The following NOL4 variants were observed in gnomAD, a reference collection of about 807,000 sequenced individuals.
The protein encoded by NOL4 is nucleolar protein 4, also known as cancer/testis antigen 125.
Under a neutral mutation model 75.9 loss-of-function variants are expected in NOL4, and 17 were observed. That is an observed-to-expected ratio of 0.22 (90% confidence interval 0.15 to 0.34). NOL4 has a LOEUF of 0.34. Among genes scored for constraint, NOL4 ranks in the 10% least tolerant of loss-of-function variants. The pLI is 1.00. For synonymous variants in NOL4, 292 were observed against 289.9 expected (o/e 1.01, Z -0.07); for missense variants, 614 against 793.5 (o/e 0.77, Z 2.72).
At chr18:33,877,673 T>A (rs1394110528) in intron 10 of NOL4, among the ~76,000 whole-genome samples, 1 of 152,036 alleles carries the variant, frequency 6.6e-6, no homozygotes, top group African/African-American at 2.4e-5. Context: ...CTCAACATAG[T>A]ACTACAGCAT....
chr18:33,974,840 G>A (rs554111617), intron 6 of NOL4, among the ~76,000 whole-genome samples: 1 of 152,242 alleles, frequency 6.6e-6, no homozygotes, highest in South Asian at 2.1e-4. Context: ...AGAATGGAAA[G>A]CAGGATCTCA....
chr18:34,154,870 A>C (rs1252866129), intron 1 of NOL4, among the ~76,000 whole-genome samples: 1 of 151,912 alleles, frequency 6.6e-6, no homozygotes, highest in Non-Finnish European at 1.5e-5. Flanking sequence ...TAGTGGTTTT[A>C]ATTTTAATTT....
intron 6 of NOL4, among the ~76,000 whole-genome samples, chr18:34,006,118 C>T (rs1030514673): frequency 6.6e-6 from 1 of 152,012 alleles, no homozygotes; most frequent in Admixed American, 6.6e-5. Flanking sequence ...AGCTCTCAGT[C>T]TTTAATAGGG....
chr18:34,157,488 A>G (rs2030636557), intron 1 of NOL4, among the ~76,000 whole-genome samples: 1 of 152,156 alleles, frequency 6.6e-6, no homozygotes, highest in South Asian at 2.1e-4. Context: ...TTGTCCATGA[A>G]GTAGCTCAGA....
At chr18:34,153,278 G>A (rs550283417) in intron 1 of NOL4, among the ~76,000 whole-genome samples, 16 of 151,822 alleles carry the variant, frequency 1.1e-4, no homozygotes, top group East Asian at 1.9e-4. Flanking sequence ...TAGAAGGCTC[G>A]AATCATGAAA....
intron 2 of NOL4, among the ~76,000 whole-genome samples, chr18:34,115,854 C>T (rs2079831035): frequency 6.6e-6 from 1 of 152,058 alleles, no homozygotes; most frequent in South Asian, 2.1e-4. Flanking sequence ...CAGTGTCACC[C>T]CAGACAATGA....
chr18:34,208,005 G>A (rs563814317), intron 1 of NOL4, among the ~76,000 whole-genome samples: 1 of 152,188 alleles, frequency 6.6e-6, no homozygotes, highest in Non-Finnish European at 1.5e-5. Flanking sequence ...TTCTGCAGGT[G>A]TCAAGGAACC....
intron 1 of NOL4, among the ~76,000 whole-genome samples, chr18:34,159,103 G>C (rs777560027): frequency 1.3e-4 from 20 of 152,156 alleles, no homozygotes; most frequent in Non-Finnish European, 2.4e-4. Flanking sequence ...CTGGAGCAGC[G>C]GGTACAGGTG....
intron 1 of NOL4, among the ~76,000 whole-genome samples, chr18:34,169,609 A>T (rs1475898976): frequency 6.6e-6 from 1 of 152,178 alleles, no homozygotes; most frequent in East Asian, 1.9e-4. Context: ...TGTACTTCAC[A>T]TTTAAAGTCA....
At chr18:33,941,727 G>A (rs1479644552) in intron 9 of NOL4, among the ~76,000 whole-genome samples, 3 of 151,866 alleles carry the variant, frequency 2.0e-5, no homozygotes, top group Admixed American at 1.3e-4. Flanking sequence ...AACTGGAATA[G>A]CTTGGTGAAG....
At chr18:34,163,096 T>C (rs1600764022) in intron 1 of NOL4, among the ~76,000 whole-genome samples, 1 of 152,096 alleles carries the variant, frequency 6.6e-6, no homozygotes. Context: ...TATCTCAAAA[T>C]AATAAGAGCT....
intron 5 of NOL4, among the ~76,000 whole-genome samples, chr18:34,030,810 C>A (rs1426849932): frequency 6.6e-6 from 1 of 151,996 alleles, no homozygotes. Context: ...AAAAACATCA[C>A]TGTGTACCCC....
intron 10 of NOL4, among the ~76,000 whole-genome samples, chr18:33,867,927 A>T (rs1274407413): frequency 1.3e-5 from 2 of 152,178 alleles, no homozygotes; most frequent in African/African-American, 4.8e-5. Flanking sequence ...GAAGTCATGC[A>T]GGAGAATTCC....
At chr18:34,084,732 G>T (rs976993989) in intron 5 of NOL4, among the ~76,000 whole-genome samples, 1 of 151,962 alleles carries the variant, frequency 6.6e-6, no homozygotes, top group Non-Finnish European at 1.5e-5. Flanking sequence ...CTTTCCAACT[G>T]TTCTTTCTTT....
chr18:34,056,072 C>T (rs1171183581), intron 5 of NOL4, among the ~76,000 whole-genome samples: 2 of 152,118 alleles, frequency 1.3e-5, no homozygotes, highest in Non-Finnish European at 2.9e-5. Flanking sequence ...AGCTTACTGA[C>T]CATATTTAAA....
intron 1 of NOL4, among the ~76,000 whole-genome samples, chr18:34,211,017 T>C (rs543403046): frequency 6.6e-6 from 1 of 151,714 alleles, no homozygotes; most frequent in African/African-American, 2.4e-5. Context: ...ACGGTGGAGG[T>C]TGCAGTGAGC....
intron 1 of NOL4, among the ~76,000 whole-genome samples, chr18:34,154,589 ACATT>A (rs1261856146): frequency 6.6e-6 from 1 of 152,032 alleles, no homozygotes; most frequent in African/African-American, 2.4e-5. Flanking sequence ...TTCAGGAAAA[ACATT>A]AGAGTCATTT....
intron 6 of NOL4, among the ~76,000 whole-genome samples, chr18:33,981,458 C>T (rs2071951782): frequency 1.3e-5 from 2 of 151,910 alleles, no homozygotes; most frequent in African/African-American, 4.8e-5. Flanking sequence ...AACAACTTAG[C>T]TAGAGAGGAG....
rs78998074 is a variant in NOL4 at position 33,912,071 on chromosome 18, A to G, written c.1543-28647T>C. ...CTTATTTTCATATTTGTATAAGTCA[A>G]TTCTCTATAATATGTAGTGTCTTCA... On this transcript the variant is annotated intron_variant, in intron 9 of 10. Coordinates refer to ENST00000261592, the MANE Select transcript of NOL4 (RefSeq NM_003787.5). 5.9e-5 allele frequency among the ~76,000 whole-genome samples: 9 copies of G among 152,186 alleles called. No homozygotes were observed. In the East Asian group the frequency reaches 1.7e-3, roughly 29 times the overall value.
Sources: allele counts gnomAD v4.1 joint callset (sites outside exome capture counted in the v4.1 genomes callset), GRCh38; gene constraint gnomAD v4.1.1; transcripts MANE v1.5; gene names NCBI Gene and HGNC (gene_info 2026-07-23, HGNC 2026-07-21).